Variants in LY6S observed in about 807,000 individuals in gnomAD.
LY6S encodes the protein lymphocyte antigen 6 family member S, also known as lymphocyte antigen 6S.
At chr8:143,070,296 G>A in the LY6S span, among the ~76,000 whole-genome samples, 1 of 147,980 alleles carries the variant, frequency 6.8e-6, no homozygotes, top group Non-Finnish European at 1.5e-5. Flanking sequence ...CGGGAGTGAG[G>A]GCTCAACATG....
chr8:143,076,113 T>C, the LY6S span, among the ~76,000 whole-genome samples: 1 of 152,336 alleles, frequency 6.6e-6, no homozygotes, highest in East Asian at 1.9e-4. Flanking sequence ...GGTGCCTGTG[T>C]GTTTGACTGA....
chr8:143,061,708 C>T, the LY6S span, among the ~76,000 whole-genome samples: 1 of 144,244 alleles, frequency 6.9e-6, no homozygotes. Context: ...CCATGCCCAG[C>T]TAATTTTGTA....
chr8:143,061,604 G>A, the LY6S span, among the ~76,000 whole-genome samples: 6 of 152,222 alleles, frequency 3.9e-5, no homozygotes, highest in African/African-American at 1.4e-4. Flanking sequence ...GAGTGCAATG[G>A]TGCGATCTTG....
At chr8:143,041,384 T>C in the LY6S span, among the ~76,000 whole-genome samples, 1 of 152,366 alleles carries the variant, frequency 6.6e-6, no homozygotes, top group East Asian at 1.9e-4. Flanking sequence ...AATATGGCTC[T>C]GTTTCACCTG....
the LY6S span, among the ~76,000 whole-genome samples, chr8:143,048,407 G>A: frequency 6.6e-5 from 10 of 152,004 alleles, no homozygotes; most frequent in African/African-American, 2.2e-4. Flanking sequence ...GGTAGCACTC[G>A]GCCGCCACCT....
At chr8:143,064,526 A>G in the LY6S span, among the ~76,000 whole-genome samples, 9 of 152,304 alleles carry the variant, frequency 5.9e-5, no homozygotes, top group South Asian at 1.2e-3. Context: ...AAGCTCCTCA[A>G]ATCTTGAGCC....
the LY6S span, chr8:143,042,289 AG>A: frequency 2.0e-5 from 3 of 152,366 alleles, no homozygotes; most frequent in Non-Finnish European, 2.9e-5. Context: ...GCATCATGGG[AG>A]CCCTAGCCAG....
the LY6S span, among the ~76,000 whole-genome samples, chr8:143,051,274 G>A: frequency 1.4e-4 from 22 of 152,252 alleles, no homozygotes; most frequent in Non-Finnish European, 2.5e-4. Flanking sequence ...GCAGCTCAGC[G>A]TGGTGGCTGT....
chr8:143,048,708 G>A, the LY6S span, among the ~76,000 whole-genome samples: 1 of 152,108 alleles, frequency 6.6e-6, no homozygotes, highest in Non-Finnish European at 1.5e-5. Context: ...GACCTCAAGT[G>A]ATCCATCCAC....
At chr8:143,067,597 G>A in the LY6S span, among the ~76,000 whole-genome samples, 12 of 152,184 alleles carry the variant, frequency 7.9e-5, no homozygotes, top group African/African-American at 2.7e-4. Context: ...CTTAACATGC[G>A]AGGACCCGCG....
the LY6S span, among the ~76,000 whole-genome samples, chr8:143,073,257 C>A: frequency 1.5e-3 from 173 of 117,444 alleles, 2 homozygotes; most frequent in Non-Finnish European, 2.0e-3. Context: ...AGACAGCTGT[C>A]GTCCTCGGGG....
chr8:143,058,747 CT>C, the LY6S span, among the ~76,000 whole-genome samples: 1 of 152,214 alleles, frequency 6.6e-6, no homozygotes, highest in Non-Finnish European at 1.5e-5. Flanking sequence ...GGTGTTTTTC[CT>C]TGACACTTAT....
chr8:143,056,194 T>C, the LY6S span, among the ~76,000 whole-genome samples: 6 of 146,092 alleles, frequency 4.1e-5, no homozygotes, highest in Admixed American at 7.1e-5. Context: ...GGGTAGATCA[T>C]ACATTTGGAT....
the LY6S span, among the ~76,000 whole-genome samples, chr8:143,067,813 C>A: frequency 6.6e-6 from 1 of 152,342 alleles, no homozygotes; most frequent in Non-Finnish European, 1.5e-5. Context: ...TTTCACTTTA[C>A]ACAAACATCT....
the LY6S span, among the ~76,000 whole-genome samples, chr8:143,063,649 C>G: frequency 1.3e-5 from 2 of 152,224 alleles, no homozygotes; most frequent in Non-Finnish European, 2.9e-5. Context: ...TGGAAAACAC[C>G]TGGTCAATAA....
the LY6S span, among the ~76,000 whole-genome samples, chr8:143,048,696 C>T: frequency 6.6e-6 from 1 of 152,104 alleles, no homozygotes; most frequent in East Asian, 1.9e-4. Context: ...TCTCGAACTG[C>T]TGACCTCAAG....
chr8:143,056,390 C>T, the LY6S span, among the ~76,000 whole-genome samples: 2 of 151,810 alleles, frequency 1.3e-5, no homozygotes, highest in African/African-American at 2.4e-5. Context: ...TCAAAAGAAA[C>T]AAGTCATCTT....
At chr8:143,068,132 C>T in the LY6S span, among the ~76,000 whole-genome samples, 4 of 152,304 alleles carry the variant, frequency 2.6e-5, no homozygotes, top group East Asian at 7.7e-4. Flanking sequence ...AATACGCAGG[C>T]TTTCTTGGGC....
the LY6S span, among the ~76,000 whole-genome samples, chr8:143,073,411 TTGAGGAGA>T: frequency 1.4e-5 from 2 of 146,594 alleles, no homozygotes; most frequent in Non-Finnish European, 3.0e-5. Context: ...GGGTCCCTGT[TTGAGGAGA>T]CAGCCGTCGT....
Sources: allele counts gnomAD v4.1 joint callset (sites outside exome capture counted in the v4.1 genomes callset), GRCh38; gene constraint gnomAD v4.1.1; transcripts MANE v1.5; gene names NCBI Gene and HGNC (gene_info 2026-07-23, HGNC 2026-07-21).